Variants in PCDH10 observed in about 807,000 individuals in gnomAD.
PCDH10 encodes protocadherin 10, also known as protocadherin-10.
A neutral mutation model predicts 74.4 loss-of-function variants in PCDH10; 15 were observed. The ratio of observed to expected loss-of-function variants is 0.20; its 90% CI spans 0.13 to 0.31. PCDH10 has a LOEUF of 0.31. Ranked by LOEUF, PCDH10 falls within the 10% of genes least tolerant of loss-of-function variation. PCDH10 has a pLI of 1.00. For missense variants in PCDH10, 1,260 were observed against 1,390.2 expected (o/e 0.91, Z 1.49); for synonymous variants, 619 against 589.8 (o/e 1.05, Z -0.72).
chr4:133,183,167 T>C, intron 4 of PCDH10, among the ~76,000 whole-genome samples: 1 of 152,130 alleles, frequency 6.6e-6, no homozygotes, highest in East Asian at 1.9e-4. Flanking sequence ...TCTTCATTCA[T>C]ATAATTAATT....
At chr4:133,195,173 T>C (rs1424543433), downstream of PCDH10, among the ~76,000 whole-genome samples, 3 of 152,084 alleles carry the variant, frequency 2.0e-5, no homozygotes, top group Non-Finnish European at 4.4e-5. Context: ...ATTTACCCTA[T>C]AGAAATTTAA....
chr4:133,168,919 A>G (rs769546713), intron 4 of PCDH10, among the ~76,000 whole-genome samples: 3 of 151,754 alleles, frequency 2.0e-5, no homozygotes, highest in Non-Finnish European at 4.4e-5. Context: ...AGCTACACCT[A>G]CAGATTTTTA....
chr4:133,152,159 C>A lies in PCDH10; in HGVS notation c.2019C>A (p.Thr673=), dbSNP rs1236295704. 1.3e-6 allele frequency: 2 copies of A among 1,568,188 alleles called. No homozygotes were observed. Among genetic ancestry groups the A allele is most frequent in the Admixed American group, 1.8e-5 (1 of 55,292 alleles). Residue 673 remains threonine (T), a synonymous_variant, in exon 1 of 5, where the codon ACC becomes ACA. Transcript: ENST00000264360. ...HGQPPLSSTA[T]LVVQLVDGAV... Reference sequence around the variant, plus strand: ...AGCCGCCCCTTTCCTCCACCGCCACCCTGGTGGTTCAGCTGGTGGATGGCG... The same window carrying A: ...AGCCGCCCCTTTCCTCCACCGCCACACTGGTGGTTCAGCTGGTGGATGGCG...
At chr4:133,167,744 C>T (rs763662144) in intron 4 of PCDH10, among the ~76,000 whole-genome samples, 6 of 151,180 alleles carry the variant, frequency 4.0e-5, no homozygotes, top group African/African-American at 1.5e-4. Context: ...GATTGGTGAA[C>T]CTAATTTTCT....
Position 133,150,651 on chromosome 4 carries a change from G to C in PCDH10, c.511G>C (p.Val171Leu), listed in dbSNP as rs776456421. The C allele has an allele frequency of 6.2e-7, 1 of 1,613,178 alleles. No individual in the cohort carries two copies. Among genetic ancestry groups the C allele is most frequent in the Non-Finnish European group, 8.5e-7 (1 of 1,179,972 alleles). Residue 171 changes from valine (V) to leucine (L), a missense_variant, in exon 1 of 5, where the codon GTG (valine) becomes CTG (leucine). Coordinates refer to ENST00000264360, the MANE Select transcript of PCDH10 (RefSeq NM_032961.3). ...CCCCAACAGCTACTTCTCCCTGGAC[G>C]TGCAGACCCAGGGGGATGGCAACCG... ...ITPNSYFSLDVQTQGDGNRFA... is the reference protein window; with the variant it reads ...ITPNSYFSLDLQTQGDGNRFA...
At chr4:133,162,320 C>T (rs1027662733) in intron 3 of PCDH10, among the ~76,000 whole-genome samples, 1 of 152,082 alleles carries the variant, frequency 6.6e-6, no homozygotes. Context: ...ATATGGACTA[C>T]CAGAGTGTCA....
At chr4:133,203,158 G>C (rs530093638) in intron 2 of PCDH10, among the ~76,000 whole-genome samples, 1 of 152,102 alleles carries the variant, frequency 6.6e-6, no homozygotes, top group Non-Finnish European at 1.5e-5. Flanking sequence ...CTGTAAAGAT[G>C]TATGGTGTAG....
At chr4:133,199,243 G>A (rs1292778019), downstream of PCDH10, among the ~76,000 whole-genome samples, 1 of 150,632 alleles carries the variant, frequency 6.6e-6, no homozygotes, top group Non-Finnish European at 1.5e-5. Context: ...AGCTGAGATT[G>A]TGTCACTGCA....
chr4:133,176,627 T>A (rs1727301865), intron 4 of PCDH10, among the ~76,000 whole-genome samples: 1 of 152,174 alleles, frequency 6.6e-6, no homozygotes. Context: ...ATATATTCTT[T>A]GACATAATAC....
chr4:133,205,460 G>T (rs1727982135), intron 2 of PCDH10, among the ~76,000 whole-genome samples: 2 of 152,106 alleles, frequency 1.3e-5, no homozygotes, highest in Admixed American at 1.3e-4. Context: ...ATCTCTTTGT[G>T]ATTAAGGTCT....
At chr4:133,205,448 G>A (rs192660802) in intron 2 of PCDH10, among the ~76,000 whole-genome samples, 226 of 152,248 alleles carry the variant, frequency 1.5e-3, no homozygotes, top group Non-Finnish European at 2.8e-3. Context: ...ACTTGTGAGA[G>A]AATCTCTTTG....
chr4:133,177,640 T>C (rs1727322408), intron 4 of PCDH10, among the ~76,000 whole-genome samples: 1 of 152,156 alleles, frequency 6.6e-6, no homozygotes, highest in South Asian at 2.1e-4. Flanking sequence ...TTTTTTACAA[T>C]GATAAAGTTC....
At chr4:133,202,590 T>G (rs1464977858) in intron 2 of PCDH10, among the ~76,000 whole-genome samples, 1 of 152,116 alleles carries the variant, frequency 6.6e-6, no homozygotes, top group African/African-American at 2.4e-5. Context: ...GGCAAGAGAT[T>G]CTCAGGAATC....
intron 3 of PCDH10, among the ~76,000 whole-genome samples, chr4:133,156,164 T>C (rs558214047): frequency 1.3e-5 from 2 of 152,324 alleles, no homozygotes; most frequent in South Asian, 4.1e-4. Flanking sequence ...GACCTCTGGA[T>C]GGTGCTGAGG....
chr4:133,194,746 G>A (rs531880403), downstream of PCDH10: 1 of 151,834 alleles, frequency 6.6e-6, no homozygotes, highest in Non-Finnish European at 1.5e-5. Flanking sequence ...ACAGGTCTAA[G>A]GGGACATCTG....
At chr4:133,207,538 G>A (rs534730272) in intron 2 of PCDH10, among the ~76,000 whole-genome samples, 1 of 151,864 alleles carries the variant, frequency 6.6e-6, no homozygotes, top group South Asian at 2.1e-4. Flanking sequence ...TACTTTGTTA[G>A]CTCCAGAATT....
chr4:133,149,872 A>G lies in PCDH10; in HGVS notation c.-269A>G, dbSNP rs1447539371. The G allele has an allele frequency of 1.5e-5, 5 of 334,772 alleles. No individual in the cohort carries two copies. The highest frequency in any genetic ancestry group is 5.4e-6 in the Non-Finnish European group (1 of 185,440). The allele number at this position is 334,772 out of a possible 1,614,324, so 20.7% of individuals were successfully genotyped here. ...CTGACTATTGTATTATTGTTATTTT[A>G]TTAATTAGTCAGTGGAAAGATTACA... On this transcript the variant is annotated 5_prime_UTR_variant, in exon 1 of 5. Transcript: ENST00000264360.
intron 2 of PCDH10, among the ~76,000 whole-genome samples, chr4:133,207,618 G>A (rs1728035295): frequency 6.6e-6 from 1 of 151,720 alleles, no homozygotes; most frequent in Non-Finnish European, 1.5e-5. Flanking sequence ...GATAAAAATT[G>A]TTACTCAAAA....
intron 3 of PCDH10, among the ~76,000 whole-genome samples, chr4:133,156,416 T>C (rs1445356515): frequency 6.6e-6 from 1 of 152,250 alleles, no homozygotes; most frequent in Non-Finnish European, 1.5e-5. Context: ...CTTGCGGGCC[T>C]TCACGCTAAG....
Sources: allele counts gnomAD v4.1 joint callset (sites outside exome capture counted in the v4.1 genomes callset), GRCh38; gene constraint gnomAD v4.1.1; transcripts MANE v1.5; gene names NCBI Gene and HGNC (gene_info 2026-07-23, HGNC 2026-07-21).